Variants in CFAP54 observed in about 807,000 individuals in gnomAD.
CFAP54 encodes cilia and flagella associated protein 54, also known as cilia- and flagella-associated protein 54.
In CFAP54, 290 loss-of-function variants were observed where a neutral mutation model predicts 370.4. That is an observed-to-expected ratio of 0.78 (90% CI 0.71 to 0.86). CFAP54 has a LOEUF of 0.86. CFAP54 is among the 40% of genes least tolerant of loss of function. CFAP54 has a pLI of 0.00. For missense variants in CFAP54, 3,399 were observed against 3,528.7 expected, an observed-to-expected ratio of 0.96 and a Z score of 0.93; for synonymous variants, 1,206 against 1,236.5, an observed-to-expected ratio of 0.98 and a Z score of 0.52.
At chr12:96,862,579 G>T (rs540967509) in intron 67 of CFAP54, among the ~76,000 whole-genome samples, 1 of 152,072 alleles carries the variant, frequency 6.6e-6, no homozygotes, top group African/African-American at 2.4e-5. Context: ...AAGAATGCAA[G>T]ATATAATGAA....
At chr12:96,673,653 T>C (rs1957172615) in intron 39 of CFAP54, among the ~76,000 whole-genome samples, 1 of 152,204 alleles carries the variant, frequency 6.6e-6, no homozygotes, top group African/African-American at 2.4e-5. Context: ...TTTATAAGCA[T>C]GTTGGGTCTT....
In CFAP54 at chr12:96,725,881, A is replaced by C. The variant is rs1207555832; in HGVS notation, c.6965+5316A>C. Among the ~76,000 whole-genome samples, 6 of 151,410 alleles carry C rather than the reference A, an allele frequency of 4.0e-5. 1 individual carries two copies. Among genetic ancestry groups the C allele is most frequent in the East Asian group, 1.9e-4 (1 of 5,178 alleles). Reference sequence around the variant, plus strand: ...ACCTAATTTATTGAGAGTTTTTAGCATGAAGGGTTGTTGAATTTTGTCAAA... The same window carrying C: ...ACCTAATTTATTGAGAGTTTTTAGCCTGAAGGGTTGTTGAATTTTGTCAAA... On this transcript the variant is annotated intron_variant, in intron 50 of 67. Coordinates refer to ENST00000524981, the MANE Select transcript of CFAP54 (RefSeq NM_001306084.2).
At chr12:96,657,797 AC>A in intron 36 of CFAP54, 84 bp from the exon 37 acceptor site, 1 of 960,654 alleles carries the variant, frequency 1.0e-6, no homozygotes, top group Non-Finnish European at 1.6e-6. Flanking sequence ...TTTCCATGTT[AC>A]ATTTTTATTA....
intron 67 of CFAP54, among the ~76,000 whole-genome samples, chr12:96,868,257 A>G (rs1960057432): frequency 6.6e-6 from 1 of 152,140 alleles, no homozygotes; most frequent in Non-Finnish European, 1.5e-5. Flanking sequence ...ATTTCAAGGA[A>G]ACAAATAAAT....
Position 96,860,889 on chromosome 12 carries a change from T to C in CFAP54, c.9242T>C (p.Ile3081Thr), listed in dbSNP as rs775104869. Residue 3081 changes from isoleucine to threonine, a missense_variant, in exon 67 of 68, where the codon ATT becomes ACT. Coordinates refer to ENST00000524981, the MANE Select transcript of CFAP54 (RefSeq NM_001306084.2). ...ERLFDLANGC[I>T]LSGGSLFNWI... ...CTTTTTGATCTGGCTAATGGTTGCA[T>C]TTTATCAGGAGGAAGCCTTTTCAAC... 257 of 1,535,030 alleles carry C rather than the reference T, an allele frequency of 1.7e-4. No individual in the cohort carries two copies. Among genetic ancestry groups the C allele is most frequent in the Admixed American group, 5.1e-4 (26 of 50,960 alleles).
chr12:96,611,028 TG>T (rs200126245), intron 26 of CFAP54, among the ~76,000 whole-genome samples: 4,980 of 152,230 alleles, frequency 0.033, 273 homozygotes, highest in African/African-American at 0.11. Flanking sequence ...CTGACAGCTT[TG>T]AAGAGAGTAG....
At chr12:96,853,618 A>G (rs1641231066) in intron 66 of CFAP54, among the ~76,000 whole-genome samples, 1 of 152,160 alleles carries the variant, frequency 6.6e-6, no homozygotes, top group African/African-American at 2.4e-5. Context: ...AGAGCACTGT[A>G]TTTTAGCATG....
rs144681620 is a variant in CFAP54 at position 96,753,832 on chromosome 12, C to T, written c.7774C>T (p.Leu2592=). The change falls in exon 56 of 68, where the codon CTG becomes TTG. Residue 2592 remains leucine (L), a synonymous_variant. Coordinates refer to ENST00000524981, the MANE Select transcript of CFAP54 (RefSeq NM_001306084.2). ...LPALHLFDVA[L]KLCRTTAVEE... ...TGCTCTTCATCTGTTTGATGTGGCACTGAAGCTCTGTAGAACAACAGCAGT... is the reference window on the plus strand; with the variant it reads ...TGCTCTTCATCTGTTTGATGTGGCATTGAAGCTCTGTAGAACAACAGCAGT... 130 of 1,613,916 alleles carry T rather than the reference C, an allele frequency of 8.1e-5. 1 individual carries two copies. The highest frequency in any genetic ancestry group is 5.5e-4 in the African/African-American group (41 of 74,912).
chr12:96,640,520 A>T (rs945003992), intron 32 of CFAP54, among the ~76,000 whole-genome samples: 1 of 152,212 alleles, frequency 6.6e-6, no homozygotes, highest in Non-Finnish European at 1.5e-5. Flanking sequence ...TTATAGATTC[A>T]ATGCCATCCC....
chr12:96,628,352 T>C (rs184123168), intron 30 of CFAP54, among the ~76,000 whole-genome samples: 134 of 152,300 alleles, frequency 8.8e-4, no homozygotes, highest in Non-Finnish European at 1.6e-3. Flanking sequence ...TGGAGGAGTT[T>C]AATTTATTCA....
chr12:96,517,441 G>A (rs1342985997), intron 5 of CFAP54, among the ~76,000 whole-genome samples: 4 of 152,196 alleles, frequency 2.6e-5, no homozygotes, highest in East Asian at 3.8e-4. Context: ...AATACCAGGA[G>A]TCCTGAAGGA....
chr12:96,765,696 A>T (rs1488262726), intron 60 of CFAP54, among the ~76,000 whole-genome samples: 2 of 152,238 alleles, frequency 1.3e-5, no homozygotes, highest in Admixed American at 6.5e-5. Context: ...TTCAATTTTC[A>T]TCTACAGCAA....
chr12:96,643,103 A>G (rs1001094475), intron 32 of CFAP54, among the ~76,000 whole-genome samples: 3 of 152,148 alleles, frequency 2.0e-5, no homozygotes, highest in South Asian at 4.1e-4. Flanking sequence ...ATTGATTTTC[A>G]TTTTGGAAAT....
At chr12:96,713,975 T>C (rs1344558611) in intron 48 of CFAP54, among the ~76,000 whole-genome samples, 1 of 152,172 alleles carries the variant, frequency 6.6e-6, no homozygotes, top group African/African-American at 2.4e-5. Flanking sequence ...AATATTTGGC[T>C]TTTATTCTGA....
intron 6 of CFAP54, among the ~76,000 whole-genome samples, chr12:96,519,401 A>G (rs1376798353): frequency 6.6e-6 from 1 of 152,094 alleles, no homozygotes; most frequent in African/African-American, 2.4e-5. Context: ...GTCCAGGCCC[A>G]ATATTTTAAA....
intron 63 of CFAP54, among the ~76,000 whole-genome samples, chr12:96,798,064 TCCCCTAATGACTTA>T (rs1276896076): frequency 6.6e-6 from 1 of 152,214 alleles, no homozygotes; most frequent in Non-Finnish European, 1.5e-5. Context: ...GTGTATTTAC[TCCCCTAATGACTTA>T]CATGGCATTA....
At chr12:96,737,824 A>C (rs113997411) in intron 50 of CFAP54, among the ~76,000 whole-genome samples, 1,655 of 151,390 alleles carry the variant, frequency 0.011, 23 homozygotes, top group African/African-American at 0.037. Context: ...ATGTAATTTA[A>C]ACACTGAGCA....
chr12:96,522,559 G>A (rs1398007768), intron 8 of CFAP54, among the ~76,000 whole-genome samples: 1 of 152,224 alleles, frequency 6.6e-6, no homozygotes, highest in African/African-American at 2.4e-5. Flanking sequence ...TGAGGCTGTG[G>A]AGAAGATGGA....
intron 40 of CFAP54, among the ~76,000 whole-genome samples, chr12:96,684,219 C>T (rs888955084): frequency 7.2e-5 from 11 of 152,142 alleles, no homozygotes; most frequent in Non-Finnish European, 1.6e-4. Flanking sequence ...GGATAACATC[C>T]ACATTTCTCC....
Sources: allele counts gnomAD v4.1 joint callset (sites outside exome capture counted in the v4.1 genomes callset), GRCh38; gene constraint gnomAD v4.1.1; transcripts MANE v1.5; gene names NCBI Gene and HGNC (gene_info 2026-07-23, HGNC 2026-07-21).